Variants in GRXCR2 observed in about 807,000 individuals in gnomAD.
GRXCR2 encodes the protein glutaredoxin domain-containing cysteine-rich protein 2.
In GRXCR2, 23 loss-of-function variants were observed where a neutral mutation model predicts 24.8. The observed-to-expected ratio is 0.93, with a 90% CI of 0.67 to 1.32. GRXCR2 has a LOEUF of 1.32. Among genes scored for constraint, GRXCR2 ranks in the 40% most tolerant of loss-of-function variants. The pLI is 0.00. For missense variants in GRXCR2, 315 were observed against 303.4 expected (o/e 1.04, Z -0.28); for synonymous variants, 130 against 116.1 (o/e 1.12, Z -0.77).
In GRXCR2 at chr5:145,921,294, A is replaced by G. The variant is rs955025101; in HGVS notation, c.-70+14407T>C. 4.9e-4 allele frequency among the ~76,000 whole-genome samples: 75 copies of G among 152,198 alleles called. 1 individual carries two copies. The highest frequency in any genetic ancestry group is 4.4e-5 in the Non-Finnish European group (3 of 68,044). ...ACATTCATTAGATATATATGTGCTC[A>G]TGGCAAAAAGGCCAGGAAACCAAGG... On this transcript the variant is annotated intron_variant, in intron 2 of 3. Coordinates refer to the GRXCR2 transcript ENST00000639411.
At chr5:145,884,979 A>G (rs571308431) in intron 2 of GRXCR2, among the ~76,000 whole-genome samples, 2 of 152,322 alleles carry the variant, frequency 1.3e-5, no homozygotes, top group African/African-American at 4.8e-5. Context: ...CAAATTGAGT[A>G]TGAACATTAT....
chr5:145,879,881 T>C (rs573901117), intron 2 of GRXCR2, among the ~76,000 whole-genome samples: 7 of 152,294 alleles, frequency 4.6e-5, no homozygotes, highest in Admixed American at 2.6e-4. Flanking sequence ...AACTCAGGAT[T>C]AAGAAACTCA....
rs373493285 is a variant in GRXCR2, at chr5:145,917,915, G to C, written c.-70+17786C>G. Among the ~76,000 whole-genome samples, 88 of 152,274 alleles carry C rather than the reference G, an allele frequency of 5.8e-4. 3 individuals are homozygous for C. In the South Asian group the frequency reaches 0.017, roughly 29 times the overall value. On this transcript the variant is annotated intron_variant, in intron 2 of 3. Coordinates refer to the GRXCR2 transcript ENST00000639411. ...CTGCCTCAGCCTCCCAAGTAGCTGG[G>C]ACTACAGGTGCCCACCACCATGCAC...
intron 2 of GRXCR2, among the ~76,000 whole-genome samples, chr5:145,928,829 C>T (rs960370385): frequency 6.6e-6 from 1 of 151,418 alleles, no homozygotes; most frequent in African/African-American, 2.4e-5. Flanking sequence ...GTGCAGCACA[C>T]CAACATGGCA....
intron 2 of GRXCR2, among the ~76,000 whole-genome samples, chr5:145,889,168 CAAAAA>C (rs534124544): frequency 1.8e-5 from 1 of 55,192 alleles, no homozygotes; most frequent in Admixed American, 2.3e-4. Context: ...GACTCTGTCT[CAAAAA>C]AAGAAAGAAA....
chr5:145,899,371 T>C (rs1410036731), intron 2 of GRXCR2, among the ~76,000 whole-genome samples: 1 of 152,028 alleles, frequency 6.6e-6, no homozygotes, highest in Admixed American at 6.6e-5. Context: ...TATAACAAAC[T>C]ACCAACATAA....
rs1756556180 is a variant in GRXCR2 at position 145,872,840 on chromosome 5, C to T, written c.129G>A (p.Glu43=). The change falls in exon 1 of 3, where the codon GAG becomes GAA. Residue 43 remains glutamate (E), a synonymous_variant. Transcript: ENST00000377976. ...KQVFEDGQEL[E]SPKEEYPHSF... ...TGTGAGGGTATTCCTCCTTTGGTGA[C>T]TCTAATTCCTGCCCATCCTCAAAGA... The T allele has an allele frequency of 6.2e-6, 10 of 1,614,046 alleles. No homozygotes were observed. The highest frequency in any genetic ancestry group is 1.7e-5 in the Admixed American group (1 of 60,006).
intron 2 of GRXCR2, among the ~76,000 whole-genome samples, chr5:145,921,045 G>A (rs1401374140): frequency 6.6e-6 from 1 of 152,144 alleles, no homozygotes; most frequent in Non-Finnish European, 1.5e-5. Context: ...ACCCAGTGTT[G>A]GGGATTTGTT....
chr5:145,912,956 T>C (rs1267161823), intron 2 of GRXCR2, among the ~76,000 whole-genome samples: 1 of 152,220 alleles, frequency 6.6e-6, no homozygotes, highest in East Asian at 1.9e-4. Context: ...AACGCTCTGA[T>C]TTACATTTTT....
At chr5:145,918,785 G>A (rs1484424337) in intron 2 of GRXCR2, among the ~76,000 whole-genome samples, 3 of 152,100 alleles carry the variant, frequency 2.0e-5, no homozygotes, top group African/African-American at 7.2e-5. Flanking sequence ...AATATTTACT[G>A]CCCATTTACA....
upstream of GRXCR2, among the ~76,000 whole-genome samples, chr5:145,876,223 A>G (rs1561679689): frequency 6.9e-6 from 1 of 145,176 alleles, no homozygotes; most frequent in Admixed American, 6.9e-5. Flanking sequence ...ATATACACAC[A>G]CACACACATA....
At chr5:145,894,568 C>G (rs893353081) in intron 2 of GRXCR2, among the ~76,000 whole-genome samples, 2 of 152,084 alleles carry the variant, frequency 1.3e-5, no homozygotes, top group African/African-American at 2.4e-5. Flanking sequence ...ATACACCCTC[C>G]CAAGAATAAA....
At chr5:145,876,976 C>T (rs1756628064), upstream of GRXCR2, among the ~76,000 whole-genome samples, 2 of 151,950 alleles carry the variant, frequency 1.3e-5, no homozygotes, top group African/African-American at 4.8e-5. Context: ...TTGACTCTGG[C>T]AACTGGGTGG....
intron 2 of GRXCR2, among the ~76,000 whole-genome samples, chr5:145,900,226 T>G (rs1757006277): frequency 6.6e-6 from 1 of 152,072 alleles, no homozygotes; most frequent in Admixed American, 6.6e-5. Context: ...GTTCTCCTGA[T>G]AGTGAGTTCT....
chr5:145,907,667 T>C (rs1160954794), intron 2 of GRXCR2, among the ~76,000 whole-genome samples: 1 of 151,984 alleles, frequency 6.6e-6, no homozygotes, highest in Non-Finnish European at 1.5e-5. Context: ...TCTGGATCTG[T>C]TTTGAAGGTA....
At chr5:145,892,601 G>T (rs1282333146) in intron 2 of GRXCR2, among the ~76,000 whole-genome samples, 1 of 152,114 alleles carries the variant, frequency 6.6e-6, no homozygotes, top group Non-Finnish European at 1.5e-5. Flanking sequence ...AAAAAGAAAT[G>T]AACAAAGCCT....
chr5:145,867,431 T>C (rs1756456585), intron 1 of GRXCR2, among the ~76,000 whole-genome samples: 1 of 152,226 alleles, frequency 6.6e-6, no homozygotes, highest in Non-Finnish European at 1.5e-5. Context: ...ATATATACTC[T>C]GTTGCAACCT....
intron 2 of GRXCR2, among the ~76,000 whole-genome samples, chr5:145,924,724 G>C (rs1757366919): frequency 6.6e-6 from 1 of 152,146 alleles, no homozygotes; most frequent in South Asian, 2.1e-4. Context: ...TCATCTGTAA[G>C]ATGGGGGTAA....
chr5:145,901,672 T>A (rs1581348395), intron 2 of GRXCR2, among the ~76,000 whole-genome samples: 1 of 152,226 alleles, frequency 6.6e-6, no homozygotes, highest in Non-Finnish European at 1.5e-5. Flanking sequence ...CAGGTCTCAC[T>A]GAGAAGCACC....
Sources: gnomAD v4.1 joint callset for allele counts (sites outside exome capture counted in the v4.1 genomes callset) on GRCh38, gnomAD v4.1.1 for gene constraint, MANE v1.5 for transcripts, NCBI Gene and HGNC (gene_info 2026-07-23, HGNC 2026-07-21) for gene names.